LDLRAD4: variants seen among roughly 807,000 people sequenced by gnomAD.
LDLRAD4 encodes the protein low-density lipoprotein receptor class A domain-containing protein 4.
A neutral mutation model predicts 17.0 loss-of-function variants in LDLRAD4; 5 were observed. That is an observed-to-expected ratio of 0.29 (90% CI 0.15 to 0.62). The LOEUF is 0.62. Ranked by LOEUF, LDLRAD4 falls within the 20% of genes least tolerant of loss-of-function variation. The pLI is 0.84. For synonymous variants in LDLRAD4, 168 were observed against 171.8 expected, an observed-to-expected ratio of 0.98 and a Z score of 0.17; for missense variants, 340 against 424.7, an observed-to-expected ratio of 0.80 and a Z score of 1.75.
chr18:13,274,381 A>C (rs2044736129), upstream of LDLRAD4, among the ~76,000 whole-genome samples: 1 of 152,196 alleles, frequency 6.6e-6, no homozygotes, highest in South Asian at 2.1e-4. Flanking sequence ...GCCCCTACAC[A>C]GGGGATGCTA....
intron 1 of LDLRAD4, among the ~76,000 whole-genome samples, chr18:13,258,153 A>C (rs1190580239): frequency 6.6e-6 from 1 of 152,234 alleles, no homozygotes; most frequent in Admixed American, 6.5e-5. Context: ...TCATTTATTT[A>C]CTTAGTATTC....
chr18:13,440,223 G>C lies in LDLRAD4; in HGVS notation c.181+1839G>C, dbSNP rs1267760995. ...TCTGCGGGCTCCTCCTTTACTTCAG[G>C]GCCCTTTTGCCGAGGGCTTCCTTGT... is the stretch of plus-strand genomic sequence containing the variant. On this transcript the variant is annotated intron_variant, in intron 3 of 5. Transcript: ENST00000359446. This position sits in a 1 kb window ranked among gnomAD's most constrained non-coding sequence, Gnocchi z 4.4. Among the ~76,000 whole-genome samples the C allele has an allele frequency of 6.6e-6, 1 of 151,994 alleles. No individual in the cohort carries two copies. The highest frequency in any genetic ancestry group is 2.4e-5 in the African/African-American group (1 of 41,356).
chr18:13,389,461 A>G (rs1463981004), intron 2 of LDLRAD4, among the ~76,000 whole-genome samples: 1 of 152,188 alleles, frequency 6.6e-6, no homozygotes, highest in Non-Finnish European at 1.5e-5. Context: ...CCCACACCCC[A>G]GGAGGCAGCT....
At chr18:13,495,730 C>CCCA (rs1467042615) in intron 3 of LDLRAD4, among the ~76,000 whole-genome samples, 4 of 152,056 alleles carry the variant, frequency 2.6e-5, no homozygotes, top group Non-Finnish European at 5.9e-5. Context: ...GGTCGTAGGG[C>CCCA]CCAGCCCTGT....
chr18:13,633,235 G>A (rs914251856), intron 4 of LDLRAD4, among the ~76,000 whole-genome samples: 11 of 152,372 alleles, frequency 7.2e-5, no homozygotes, highest in Admixed American at 7.2e-4. Flanking sequence ...TCAAAAGGGA[G>A]GAAGTGCATG....
intron 3 of LDLRAD4, among the ~76,000 whole-genome samples, chr18:13,538,925 A>C (rs1029243268): frequency 6.6e-6 from 1 of 152,224 alleles, no homozygotes; most frequent in Non-Finnish European, 1.5e-5. Context: ...CTTTGAAGAA[A>C]TGATGAGTAA....
chr18:13,546,139 T>C (rs866221707), intron 3 of LDLRAD4, among the ~76,000 whole-genome samples: 22 of 152,030 alleles, frequency 1.4e-4, no homozygotes, highest in African/African-American at 5.3e-4. Context: ...CAACAACAGT[T>C]GAGGCAGGGG....
intron 3 of LDLRAD4, among the ~76,000 whole-genome samples, chr18:13,584,162 C>T (rs553095764): frequency 6.6e-5 from 10 of 152,354 alleles, no homozygotes; most frequent in African/African-American, 9.6e-5. Context: ...GTCTCTTCAT[C>T]GTCATAATGC....
At position 13,494,459 on chromosome 18, in the gene LDLRAD4, A is replaced by G. The variant is rs183558887; in HGVS notation, c.181+56075A>G. Among the ~76,000 whole-genome samples, 472 of 151,664 alleles carry G rather than the reference A, an allele frequency of 3.1e-3. 2 individuals carry two copies. The highest frequency in any genetic ancestry group is 5.7e-3 in the Non-Finnish European group (387 of 67,938). ...TCTCAAGCCTACCTCTGAGTTTCAT[A>G]AAACAAGTCAGATATATCTGCCCTC... On this transcript the variant is annotated intron_variant, in intron 3 of 5. Coordinates refer to ENST00000359446, the Ensembl canonical transcript of LDLRAD4.
chr18:13,635,878 G>A (rs1016397507), intron 4 of LDLRAD4, among the ~76,000 whole-genome samples: 3 of 152,108 alleles, frequency 2.0e-5, no homozygotes, highest in African/African-American at 7.2e-5. Flanking sequence ...AGAGGCCAGA[G>A]CTCTAGACTA....
chr18:13,330,633 C>T (rs1182636138), intron 1 of LDLRAD4, among the ~76,000 whole-genome samples: 1 of 152,180 alleles, frequency 6.6e-6, no homozygotes, highest in Non-Finnish European at 1.5e-5. Context: ...TGTGTTTGGT[C>T]TTCGACCCCT....
At chr18:13,284,720 G>A (rs562003071) in intron 1 of LDLRAD4, among the ~76,000 whole-genome samples, 2 of 152,250 alleles carry the variant, frequency 1.3e-5, no homozygotes, top group East Asian at 1.9e-4. Flanking sequence ...GGTGCGGTTT[G>A]GGGGGCAGTG....
chr18:13,518,892 C>T (rs939073376), intron 3 of LDLRAD4, among the ~76,000 whole-genome samples: 1 of 151,914 alleles, frequency 6.6e-6, no homozygotes, highest in South Asian at 2.1e-4. Flanking sequence ...CCTTGCAGGC[C>T]GCTAGGGTAG....
At chr18:13,563,686 G>A (rs1377371193) in intron 3 of LDLRAD4, among the ~76,000 whole-genome samples, 1 of 152,168 alleles carries the variant, frequency 6.6e-6, no homozygotes, top group Non-Finnish European at 1.5e-5. Flanking sequence ...ATAAACGGGA[G>A]GCTCCGTCCT....
intron 3 of LDLRAD4, among the ~76,000 whole-genome samples, chr18:13,606,759 G>A (rs1385981880): frequency 6.6e-6 from 1 of 152,116 alleles, no homozygotes; most frequent in Non-Finnish European, 1.5e-5. Flanking sequence ...GTTTCTAAAG[G>A]CCAAATTCCA....
chr18:13,362,039 C>T (rs560531449), intron 1 of LDLRAD4, among the ~76,000 whole-genome samples: 3 of 152,100 alleles, frequency 2.0e-5, no homozygotes, highest in African/African-American at 7.2e-5. Flanking sequence ...TAGGAGCGTA[C>T]ACTTGTGATT....
intron 3 of LDLRAD4, among the ~76,000 whole-genome samples, chr18:13,482,647 C>T (rs1370664261): frequency 2.6e-5 from 4 of 152,206 alleles, no homozygotes; most frequent in Non-Finnish European, 5.9e-5. Context: ...CCCCATCAGT[C>T]TGTGTGGAGA....
At chr18:13,620,862 G>C in intron 3 of LDLRAD4, 1 of 540,808 alleles carries the variant, frequency 1.8e-6, no homozygotes, top group Non-Finnish European at 3.3e-6. Context: ...AGTTTGTGGA[G>C]ACGTTCTCAG....
intron 2 of LDLRAD4, among the ~76,000 whole-genome samples, chr18:13,423,946 C>T (rs1305562470): frequency 6.6e-6 from 1 of 152,020 alleles, no homozygotes; most frequent in Non-Finnish European, 1.5e-5. Flanking sequence ...ACTAGCCTGA[C>T]CAATATGATG....
Sources: gnomAD v4.1 joint callset for allele counts (sites outside exome capture counted in the v4.1 genomes callset) on GRCh38, gnomAD v4.1.1 for gene constraint, Gnocchi (gnomAD v3.1) non-coding constraint, MANE v1.5 for transcripts, NCBI Gene and HGNC (gene_info 2026-07-23, HGNC 2026-07-21) for gene names.